Variants in STARD13 observed in about 807,000 individuals in gnomAD.
The protein encoded by STARD13 is stAR-related lipid transfer protein 13.
STARD13 carries 62 observed loss-of-function variants against 106.4 expected under a neutral mutation model. That is an observed-to-expected ratio of 0.58 (90% CI 0.48 to 0.72). The LOEUF is 0.72. Among genes scored for constraint, STARD13 ranks in the 30% least tolerant of loss-of-function variants. STARD13 has a pLI of 0.00. For missense variants in STARD13, 1,387 were observed against 1,424.0 expected, an observed-to-expected ratio of 0.97 and a Z score of 0.42; for synonymous variants, 565 against 553.0, an observed-to-expected ratio of 1.02 and a Z score of -0.31.
the STARD13 span, among the ~76,000 whole-genome samples, chr13:33,525,052 C>A: frequency 6.6e-6 from 1 of 152,084 alleles, no homozygotes; most frequent in African/African-American, 2.4e-5. Flanking sequence ...GACAGGGTCT[C>A]GCTCTGTCAC....
intron 1 of STARD13, among the ~76,000 whole-genome samples, chr13:33,173,407 T>C (rs945951275): frequency 1.3e-5 from 2 of 152,204 alleles, no homozygotes; most frequent in Admixed American, 6.5e-5. Context: ...TCATTAATAT[T>C]ACATAGAACC....
the STARD13 span, among the ~76,000 whole-genome samples, chr13:33,645,512 A>G: frequency 2.6e-5 from 4 of 152,226 alleles, no homozygotes; most frequent in African/African-American, 9.7e-5. Context: ...CATGGACTCA[A>G]GGATATACCA....
At chr13:33,350,182 A>T in intron 1 of STARD13, 1 of 1,334,150 alleles carries the variant, frequency 7.5e-7, no homozygotes, top group Non-Finnish European at 9.6e-7. Context: ...TTGGGCTCTG[A>T]AACTCATGCC....
In STARD13 at chr13:33,167,638, G is replaced by C. The variant is rs1209629006; in HGVS notation, c.170-16C>G. On this transcript the variant is annotated splice_polypyrimidine_tract_variant and intron_variant, in intron 1 of 13. Transcript: ENST00000336934. ...GCCTCAATTTCTGAAAAACACAAGA[G>C]AGATAAAATTGTGAGTCCCACAGCC... The C allele has an allele frequency of 6.2e-7, 1 of 1,613,416 alleles. No homozygotes were observed. Among genetic ancestry groups the C allele is most frequent in the African/African-American group, 1.3e-5 (1 of 74,884 alleles).
chr13:33,126,771 T>C (rs1041217423), intron 6 of STARD13, among the ~76,000 whole-genome samples: 7 of 152,220 alleles, frequency 4.6e-5, no homozygotes, highest in Admixed American at 2.6e-4. Context: ...AAAAGCACCA[T>C]TGATTTTTTA....
chr13:33,291,212 A>G lies in STARD13; in HGVS notation c.124+59078T>C, dbSNP rs956243387. On this transcript the variant is annotated intron_variant, in intron 1 of 5. Transcript: ENST00000567873. Reference sequence around the variant, plus strand: ...TTCTTCTTTTTAATTTCCATCCACTAGCTCTGATTCTGCCATTTTGAATCA... The same window carrying G: ...TTCTTCTTTTTAATTTCCATCCACTGGCTCTGATTCTGCCATTTTGAATCA... Among the ~76,000 whole-genome samples the G allele has an allele frequency of 4.6e-5, 7 of 152,342 alleles. No individual in the cohort carries two copies. The South Asian group carries it at 1.5e-3, about 32-fold the overall frequency.
chr13:33,528,188 T>TATATATAC, the STARD13 span, among the ~76,000 whole-genome samples: 222 of 137,736 alleles, frequency 1.6e-3, 1 homozygote, highest in African/African-American at 6.3e-3. Context: ...TATATATATA[T>TATATATAC]ACACACACAC....
At chr13:33,159,810 C>G (rs1882409229) in intron 3 of STARD13, among the ~76,000 whole-genome samples, 1 of 152,128 alleles carries the variant, frequency 6.6e-6, no homozygotes, top group Non-Finnish European at 1.5e-5. Flanking sequence ...ATGCTTAAAA[C>G]TACAAGCACT....
chr13:33,229,615 A>G (rs1888806917), intron 1 of STARD13, among the ~76,000 whole-genome samples: 1 of 152,208 alleles, frequency 6.6e-6, no homozygotes, highest in South Asian at 2.1e-4. Context: ...GTGCACACAC[A>G]CCACACACAC....
chr13:33,280,441 A>G (rs1594211573), intron 1 of STARD13: 1 of 152,302 alleles, frequency 6.6e-6, no homozygotes, highest in East Asian at 1.9e-4. Flanking sequence ...TCTACATTCC[A>G]CATTTTCTAT....
rs746778191 is a variant in STARD13 at position 33,165,344 on chromosome 13, G to C, written c.316C>G (p.Leu106Val). The stretch of plus-strand genomic sequence containing the variant: ...ATACTTCACATGGTTTACCTGCAAA[G>C]AGGTTCTACAAGGTCCTTTTCAAGA... ...DFLEKDLVEP[L>V]CRRLNTLNKC... Residue 106 changes from leucine (L) to valine (V), a missense_variant, in exon 3 of 14, where the codon CTT (leucine) becomes GTT (valine). Transcript: ENST00000336934. 1.9e-6 allele frequency: 3 copies of C among 1,611,784 alleles called. No homozygotes were observed. Among genetic ancestry groups the C allele is most frequent in the Non-Finnish European group, 2.5e-6 (3 of 1,177,890 alleles).
intron 1 of STARD13, among the ~76,000 whole-genome samples, chr13:33,246,724 G>A (rs1015524302): frequency 7.9e-5 from 12 of 152,126 alleles, no homozygotes; most frequent in South Asian, 2.1e-4. Context: ...AAAACTAAGA[G>A]AGAGAGAGAG....
At chr13:33,255,104 C>T (rs539373937) in intron 1 of STARD13, among the ~76,000 whole-genome samples, 16 of 144,890 alleles carry the variant, frequency 1.1e-4, no homozygotes, top group South Asian at 8.8e-4. Context: ...GTGCTCCCCC[C>T]CCCCTCAGAG....
chr13:33,665,255 ATTTATGCAATAAAT>A, the STARD13 span, among the ~76,000 whole-genome samples: 1 of 152,218 alleles, frequency 6.6e-6, no homozygotes, highest in African/African-American at 2.4e-5. Context: ...GTTTTATGCA[ATTTATGCAATAAAT>A]TTTCAAAGGA....
the STARD13 span, among the ~76,000 whole-genome samples, chr13:33,612,321 C>A: frequency 6.6e-6 from 1 of 152,166 alleles, no homozygotes; most frequent in Non-Finnish European, 1.5e-5. Flanking sequence ...TTAGGCGAGT[C>A]CTTAAGACAC....
At chr13:33,415,907 C>T in the STARD13 span, among the ~76,000 whole-genome samples, 8 of 152,264 alleles carry the variant, frequency 5.3e-5, no homozygotes, top group South Asian at 1.0e-3. Flanking sequence ...TTTTATCAGC[C>T]TGTAAAATTT....
the STARD13 span, among the ~76,000 whole-genome samples, chr13:33,476,745 T>C: frequency 6.6e-6 from 1 of 152,234 alleles, no homozygotes; most frequent in African/African-American, 2.4e-5. Context: ...AGTGTTTTAA[T>C]TTGTGACATA....
the STARD13 span, among the ~76,000 whole-genome samples, chr13:33,644,136 C>A: frequency 6.6e-6 from 1 of 152,180 alleles, no homozygotes; most frequent in Non-Finnish European, 1.5e-5. Flanking sequence ...ATGGACCACC[C>A]ATGTGCAAAA....
chr13:33,203,899 G>A (rs1887226098), intron 1 of STARD13, among the ~76,000 whole-genome samples: 1 of 152,146 alleles, frequency 6.6e-6, no homozygotes, highest in Non-Finnish European at 1.5e-5. Flanking sequence ...AGCACAAGAT[G>A]CATTATAAAT....
Sources: gnomAD v4.1 joint callset for allele counts (sites outside exome capture counted in the v4.1 genomes callset) on GRCh38, gnomAD v4.1.1 for gene constraint, MANE v1.5 for transcripts, NCBI Gene and HGNC (gene_info 2026-07-23, HGNC 2026-07-21) for gene names.